Variants in CSMD1 observed in about 807,000 individuals in gnomAD.
CSMD1 encodes CUB and Sushi multiple domains 1.
A neutral mutation model predicts 417.5 loss-of-function variants in CSMD1; 213 were observed. The observed-to-expected ratio is 0.51, with a 90% CI of 0.46 to 0.57. The LOEUF (loss-of-function observed/expected upper bound fraction) is 0.57. Ranked by LOEUF, CSMD1 falls within the 20% of genes least tolerant of loss-of-function variation. The probability of loss-of-function intolerance (pLI) is 0.00; values close to 1 mark genes in which losing one functional copy is unlikely to be tolerated. For missense variants in CSMD1, 6,923 were observed against 4,529.7 expected, an observed-to-expected ratio of 1.53 and a Z score of -15.17; for synonymous variants, 2,862 against 1,736.8, an observed-to-expected ratio of 1.65 and a Z score of -16.11.
At chr8:3,822,218 G>C (rs1227151318) in intron 5 of CSMD1, among the ~76,000 whole-genome samples, 1 of 152,082 alleles carries the variant, frequency 6.6e-6, no homozygotes, top group African/African-American at 2.4e-5. Flanking sequence ...TAGACACTCT[G>C]CCATGTGCCT....
chr8:3,170,803 C>G (rs192467228), intron 37 of CSMD1, among the ~76,000 whole-genome samples: 121 of 152,328 alleles, frequency 7.9e-4, no homozygotes, highest in South Asian at 3.1e-3. Context: ...GATATGGTCA[C>G]AGAATCTACC....
intron 7 of CSMD1, among the ~76,000 whole-genome samples, chr8:3,644,539 G>C (rs1313997492): frequency 2.0e-5 from 3 of 152,126 alleles, no homozygotes; most frequent in African/African-American, 7.2e-5. Context: ...AAGAGGGTGA[G>C]AAAGCTAAAA....
At chr8:3,943,399 T>C (rs567355903) in intron 5 of CSMD1, among the ~76,000 whole-genome samples, 3 of 141,502 alleles carry the variant, frequency 2.1e-5, no homozygotes, top group South Asian at 4.6e-4. Context: ...TATTAGAATG[T>C]CTTATAAGTT....
chr8:3,322,933 T>C (rs1008342969), intron 23 of CSMD1, among the ~76,000 whole-genome samples: 1 of 152,230 alleles, frequency 6.6e-6, no homozygotes, highest in Non-Finnish European at 1.5e-5. Context: ...TTTTTTGCTT[T>C]TTTTTGTTTT....
chr8:4,771,731 G>T (rs989863957), intron 1 of CSMD1, among the ~76,000 whole-genome samples: 2 of 152,198 alleles, frequency 1.3e-5, no homozygotes, highest in African/African-American at 2.4e-5. Flanking sequence ...GGAGGGAGAA[G>T]TCTATATGAG....
At chr8:4,761,658 A>C (rs1332091314) in intron 1 of CSMD1, among the ~76,000 whole-genome samples, 1 of 152,102 alleles carries the variant, frequency 6.6e-6, no homozygotes, top group African/African-American at 2.4e-5. Context: ...AAGCATATAG[A>C]CTACCTTTAT....
In CSMD1 at chr8:4,994,286, T is replaced by A. The variant is rs771313623; in HGVS notation, c.85+46A>T. 2.5e-6 allele frequency: 4 copies of A among 1,570,082 alleles called. No homozygotes were observed. In the African/African-American group the frequency reaches 5.4e-5, roughly 21 times the overall value. ...CACACTCGCGTCCGCACACGGGGCC[T>A]CCGAGGGCTCTACCGCCTCCCCGGC... is the stretch of plus-strand genomic sequence containing the variant. On this transcript the variant is annotated intron_variant, in intron 1 of 69. Transcript: ENST00000635120.
chr8:3,723,209 A>T (rs969379415), intron 6 of CSMD1, among the ~76,000 whole-genome samples: 1 of 152,178 alleles, frequency 6.6e-6, no homozygotes, highest in African/African-American at 2.4e-5. Flanking sequence ...GCTTGTGGCC[A>T]TGGACCCTTC....
chr8:3,375,513 A>G (rs978404980), intron 18 of CSMD1, among the ~76,000 whole-genome samples: 6 of 152,264 alleles, frequency 3.9e-5, no homozygotes, highest in African/African-American at 1.2e-4. Context: ...CATGCCCTAC[A>G]GAAGTCGCTG....
chr8:4,001,678 T>C (rs752421053), intron 4 of CSMD1, among the ~76,000 whole-genome samples: 1 of 152,148 alleles, frequency 6.6e-6, no homozygotes. Flanking sequence ...TTTCCTAGAA[T>C]TTCCGTTGAT....
intron 3 of CSMD1, among the ~76,000 whole-genome samples, chr8:4,356,901 T>C (rs1474736359): frequency 2.0e-5 from 3 of 152,208 alleles, no homozygotes; most frequent in Admixed American, 6.5e-5. Context: ...TTTAGCCCTT[T>C]AAATCTGAAT....
At position 3,495,807 on chromosome 8, in the gene CSMD1, T is replaced by C. The variant is rs186725744; in HGVS notation, c.1345-2081A>G. The stretch of plus-strand genomic sequence containing the variant: ...TAATGACATTGAGCCAAAATGGTTT[T>C]AGTTCCTACAGCATATGCACCCTCC... On this transcript the variant is annotated intron_variant, in intron 10 of 69. Coordinates refer to ENST00000635120, the MANE Select transcript of CSMD1 (RefSeq NM_033225.6). 4.6e-5 allele frequency among the ~76,000 whole-genome samples: 7 copies of C among 152,354 alleles called. No individual in the cohort carries two copies. In the East Asian group the frequency reaches 1.2e-3, roughly 25 times the overall value.
chr8:4,352,894 A>G (rs1032572074), intron 3 of CSMD1, among the ~76,000 whole-genome samples: 2 of 152,224 alleles, frequency 1.3e-5, no homozygotes, highest in African/African-American at 4.8e-5. Flanking sequence ...TTACCTCAGA[A>G]AATGACACTA....
chr8:3,691,801 G>A (rs901404197), intron 7 of CSMD1, among the ~76,000 whole-genome samples: 2 of 152,134 alleles, frequency 1.3e-5, no homozygotes, highest in Admixed American at 6.6e-5. Context: ...TTAAAAAAAA[G>A]AGGCAGTTTC....
intron 8 of CSMD1, among the ~76,000 whole-genome samples, chr8:3,589,029 A>C (rs1173891606): frequency 6.6e-6 from 1 of 152,196 alleles, no homozygotes; most frequent in Non-Finnish European, 1.5e-5. Context: ...CCACAGTGAG[A>C]TATCAACTCA....
chr8:4,200,975 G>C (rs1799612089), intron 3 of CSMD1, among the ~76,000 whole-genome samples: 1 of 152,028 alleles, frequency 6.6e-6, no homozygotes. Flanking sequence ...TGTCTTATTA[G>C]TTTACTTTTT....
chr8:4,754,143 A>G (rs1389382628), intron 1 of CSMD1, among the ~76,000 whole-genome samples: 1 of 152,228 alleles, frequency 6.6e-6, no homozygotes, highest in Admixed American at 6.5e-5. Context: ...TAGCAATAAA[A>G]TAGACACTTC....
At chr8:4,220,882 G>A (rs1307724546) in intron 3 of CSMD1, among the ~76,000 whole-genome samples, 1 of 152,280 alleles carries the variant, frequency 6.6e-6, no homozygotes, top group Non-Finnish European at 1.5e-5. Context: ...AGAAGATTTG[G>A]GACTGGATGT....
intron 1 of CSMD1, among the ~76,000 whole-genome samples, chr8:4,916,741 T>G (rs1198135180): frequency 6.6e-6 from 1 of 152,220 alleles, no homozygotes; most frequent in East Asian, 1.9e-4. Context: ...AAAGAATAAA[T>G]AGGTATCAAG....
Sources: gnomAD v4.1 joint callset for allele counts (sites outside exome capture counted in the v4.1 genomes callset) on GRCh38, gnomAD v4.1.1 for gene constraint, MANE v1.5 for transcripts, NCBI Gene and HGNC (gene_info 2026-07-23, HGNC 2026-07-21) for gene names.